The following PANK2 variants were observed in gnomAD, a reference collection of about 807,000 sequenced individuals.
PANK2 encodes the protein pantothenate kinase 2.
A neutral mutation model predicts 43.1 loss-of-function variants in PANK2; 36 were observed. The ratio of observed to expected loss-of-function variants is 0.84; its 90% CI spans 0.64 to 1.10. The LOEUF is 1.10. PANK2 is among the 50% of genes least tolerant of loss of function. The pLI is 0.00. For missense variants in PANK2, 576 were observed against 593.3 expected, an observed-to-expected ratio of 0.97 and a Z score of 0.30; for synonymous variants, 281 against 238.2, an observed-to-expected ratio of 1.18 and a Z score of -1.66.
chr20:3,905,868 A>G (rs759799558), intron 1 of PANK2, among the ~76,000 whole-genome samples: 5 of 151,206 alleles, frequency 3.3e-5, no homozygotes, highest in Non-Finnish European at 7.4e-5. Flanking sequence ...GGTGCCCGCC[A>G]CCACGCCCGG....
chr20:3,894,157 C>CT (rs1568555652), intron 1 of PANK2, among the ~76,000 whole-genome samples: 2 of 148,758 alleles, frequency 1.3e-5, no homozygotes, highest in African/African-American at 5.0e-5. Flanking sequence ...TCTTGAGCTC[C>CT]TGACCTCAGG....
Position 3,908,151 on chromosome 20 carries a change from T to C in PANK2, c.524T>C (p.Ile175Thr), listed in dbSNP as rs2090417081. The C allele has an allele frequency of 6.2e-7, 1 of 1,614,092 alleles. No homozygotes were observed. Reference sequence around the variant, plus strand: ...GGACGCAAAGGCAATCTGCACTTTATACGCTTTCCCACTCATGACATGCCT... The same window carrying C: ...GGACGCAAAGGCAATCTGCACTTTACACGCTTTCCCACTCATGACATGCCT... The change falls in exon 2 of 7, where the codon ATA (isoleucine) becomes ACA (threonine). Residue 175 changes from isoleucine to threonine, a missense_variant. Coordinates refer to ENST00000610179, the MANE Select transcript of PANK2 (RefSeq NM_001386393.1).
At chr20:3,922,129 A>G (rs2090656623) in intron 6 of PANK2, among the ~76,000 whole-genome samples, 1 of 152,252 alleles carries the variant, frequency 6.6e-6, no homozygotes, top group South Asian at 2.1e-4. Context: ...TTTATGTTTC[A>G]GAGACTTTTA....
At chr20:3,908,451 G>T (rs1390197576) in intron 2 of PANK2, among the ~76,000 whole-genome samples, 173 bp downstream of exon 2, 5 of 152,136 alleles carry the variant, frequency 3.3e-5, no homozygotes, top group African/African-American at 1.2e-4. Flanking sequence ...TGGTTGTCTA[G>T]TTCAGATGTA....
chr20:3,910,925 G>A, intron 3 of PANK2, 95 bp downstream of exon 3: 1 of 1,456,410 alleles, frequency 6.9e-7, no homozygotes, highest in South Asian at 1.2e-5. Context: ...GAACCTGTTA[G>A]GTGAAAGTGT....
chr20:3,888,943 A>ATGTAG, upstream of PANK2: 1 of 576,058 alleles, frequency 1.7e-6, no homozygotes, highest in Non-Finnish European at 3.0e-6. Context: ...GCCGACGACC[A>ATGTAG]GCGGCCAGAC....
intron 1 of PANK2, chr20:3,891,377 G>C (rs925637638): frequency 6.6e-6 from 1 of 152,168 alleles, no homozygotes; most frequent in African/African-American, 2.4e-5. Context: ...CGTCTACTAA[G>C]AGCTTTGGTA....
At chr20:3,911,669 A>G (rs1472628080) in intron 3 of PANK2, among the ~76,000 whole-genome samples, 1 of 150,492 alleles carries the variant, frequency 6.6e-6, no homozygotes, top group East Asian at 2.0e-4. Context: ...AGGCGGGTGG[A>G]TCACCAGAGG....
intron 1 of PANK2, among the ~76,000 whole-genome samples, chr20:3,895,486 T>TTTTTTTTTTTTTTC (rs1387758989): frequency 3.1e-4 from 46 of 146,498 alleles, no homozygotes; most frequent in African/African-American, 1.0e-3. Flanking sequence ...CTGTCTCCGT[T>TTTTTTTTTTTTTTC]TTTTTTTTTT....
rs576490076 is a variant in PANK2, at chr20:3,910,562, C to T, written c.652-15C>T. On this transcript the variant is annotated splice_polypyrimidine_tract_variant and intron_variant, in intron 2 of 6. Coordinates refer to ENST00000610179, the MANE Select transcript of PANK2 (RefSeq NM_001386393.1). Reference sequence around the variant, plus strand: ...GCTTATTAAAAAGTCTGAGTACATTCTTATTTCATTACAGATAGGTGATCT... The same window carrying T: ...GCTTATTAAAAAGTCTGAGTACATTTTTATTTCATTACAGATAGGTGATCT... 7.4e-6 allele frequency: 12 copies of T among 1,613,936 alleles called. No individual in the cohort carries two copies. The African/African-American group carries it at 1.6e-4, about 22-fold the overall frequency.
chr20:3,892,472 A>G (rs1244753991), intron 1 of PANK2, among the ~76,000 whole-genome samples: 1 of 151,968 alleles, frequency 6.6e-6, no homozygotes, highest in Non-Finnish European at 1.5e-5. Flanking sequence ...AGGTTTGGGT[A>G]TGGAATGGTG....
chr20:3,895,977 G>A (rs1336747533), intron 1 of PANK2, among the ~76,000 whole-genome samples: 1 of 152,072 alleles, frequency 6.6e-6, no homozygotes, highest in Non-Finnish European at 1.5e-5. Flanking sequence ...ACATGGATTT[G>A]CGATGTCATT....
intron 4 of PANK2, among the ~76,000 whole-genome samples, 178 bp downstream of exon 4, chr20:3,912,812 T>C (rs2090489161): frequency 6.6e-6 from 1 of 150,768 alleles, no homozygotes; most frequent in South Asian, 2.1e-4. Flanking sequence ...TAGCTAGGCA[T>C]GGTGGTGCGC....
At chr20:3,916,128 G>C (rs938845469) in intron 4 of PANK2, among the ~76,000 whole-genome samples, 7 of 152,200 alleles carry the variant, frequency 4.6e-5, no homozygotes, top group African/African-American at 1.7e-4. Context: ...TCTTTCAGCA[G>C]TGTTTTGTAG....
At chr20:3,917,141 A>C in intron 5 of PANK2, 91 bp downstream of exon 5, 2 of 1,532,064 alleles carry the variant, frequency 1.3e-6, no homozygotes, top group Non-Finnish European at 1.8e-6. Flanking sequence ...ACAGTGCCTA[A>C]ATGTAGTCAT....
intron 1 of PANK2, among the ~76,000 whole-genome samples, chr20:3,892,673 C>CAAAAA (rs763721845): frequency 9.6e-6 from 1 of 104,326 alleles, no homozygotes; most frequent in Non-Finnish European, 1.8e-5. Flanking sequence ...GACTCTGTCT[C>CAAAAA]AAAAAAAAAA....
upstream of PANK2, chr20:3,888,898 G>C: frequency 1.8e-6 from 1 of 549,728 alleles, no homozygotes; most frequent in Non-Finnish European, 3.2e-6. Flanking sequence ...GAGGGACAAA[G>C]GCTAAGGTCA....
chr20:3,896,519 A>G (rs2090211921), intron 1 of PANK2, among the ~76,000 whole-genome samples: 1 of 152,172 alleles, frequency 6.6e-6, no homozygotes, highest in Admixed American at 6.5e-5. Flanking sequence ...GAGTTAACTG[A>G]TGGCTGGAAG....
chr20:3,888,834 C>T, upstream of PANK2: 1 of 468,628 alleles, frequency 2.1e-6, no homozygotes. Context: ...CGGCTTAGCC[C>T]AAACATGCTG....
Sources: gnomAD v4.1 joint callset for allele counts (sites outside exome capture counted in the v4.1 genomes callset) on GRCh38, gnomAD v4.1.1 for gene constraint, MANE v1.5 for transcripts, NCBI Gene and HGNC (gene_info 2026-07-23, HGNC 2026-07-21) for gene names.